KCNMA1: variants seen among roughly 807,000 people sequenced by gnomAD.
KCNMA1 encodes the protein potassium calcium-activated channel subfamily M alpha 1.
Under a neutral mutation model 140.0 loss-of-function variants are expected in KCNMA1, and 29 were observed. The observed-to-expected ratio is 0.21, with a 90% CI of 0.15 to 0.28. The LOEUF (loss-of-function observed/expected upper bound fraction) is 0.28, where lower values mean the gene tolerates loss of function less well. Ranked by LOEUF, KCNMA1 falls within the 10% of genes least tolerant of loss-of-function variation. The pLI, the probability that KCNMA1 is intolerant of heterozygous loss-of-function variation, is 1.00. For synonymous variants in KCNMA1, 612 were observed against 611.9 expected, an observed-to-expected ratio of 1.00 and a Z score of 0.00; for missense variants, 880 against 1,602.2, an observed-to-expected ratio of 0.55 and a Z score of 7.70.
At chr10:77,070,234 T>C (rs910325804) in intron 14 of KCNMA1, among the ~76,000 whole-genome samples, 2 of 152,232 alleles carry the variant, frequency 1.3e-5, no homozygotes, top group Admixed American at 1.3e-4. Context: ...CCCAGCACTT[T>C]GGGAGGCTGA....
chr10:77,565,993 C>T (rs377558369), intron 1 of KCNMA1, among the ~76,000 whole-genome samples: 10 of 145,466 alleles, frequency 6.9e-5, no homozygotes, highest in African/African-American at 1.2e-4. Flanking sequence ...TGTGCCTCCA[C>T]GGAATATTCT....
chr10:77,174,605 C>G (rs1253346874), intron 5 of KCNMA1, among the ~76,000 whole-genome samples: 1 of 152,144 alleles, frequency 6.6e-6, no homozygotes, highest in Non-Finnish European at 1.5e-5. Flanking sequence ...CTGGACAGCA[C>G]AGTGTATTAG....
At chr10:77,427,719 TCATTTATTTATTTATTTA>T (rs2097050257) in intron 1 of KCNMA1, among the ~76,000 whole-genome samples, 2 of 107,192 alleles carry the variant, frequency 1.9e-5, no homozygotes, top group African/African-American at 7.5e-5. Context: ...ATCCATCCAT[TCATTTATTTATTTATTTA>T]TTTATTTATT....
intron 3 of KCNMA1, among the ~76,000 whole-genome samples, chr10:77,215,895 C>G (rs1399690825): frequency 6.6e-6 from 1 of 151,160 alleles, no homozygotes; most frequent in African/African-American, 2.4e-5. Flanking sequence ...TCTCTCTCCT[C>G]TCTCCTCTCT....
At chr10:76,942,665 T>C (rs2062849091) in intron 23 of KCNMA1, among the ~76,000 whole-genome samples, 1 of 152,176 alleles carries the variant, frequency 6.6e-6, no homozygotes, top group East Asian at 1.9e-4. Context: ...AAGGAACAAC[T>C]ATATCAGATG....
chr10:77,255,961 A>T (rs1273544407), intron 2 of KCNMA1, among the ~76,000 whole-genome samples: 2 of 151,536 alleles, frequency 1.3e-5, no homozygotes, highest in African/African-American at 4.9e-5. Context: ...GCAAAGAAGG[A>T]GCCTGGTGCA....
chr10:77,079,688 C>G (rs2096513511), intron 12 of KCNMA1, 138 bp from the exon 13 acceptor site: 1 of 702,568 alleles, frequency 1.4e-6, no homozygotes, highest in Non-Finnish European at 2.6e-6. Flanking sequence ...AGGCAGGGCT[C>G]AGATACCAGA....
intron 21 of KCNMA1, among the ~76,000 whole-genome samples, chr10:76,952,975 G>T (rs183101888): frequency 6.6e-6 from 1 of 152,282 alleles, no homozygotes; most frequent in East Asian, 1.9e-4. Context: ...ATAAACTGTA[G>T]GAAAGCCAGT....
intron 1 of KCNMA1, among the ~76,000 whole-genome samples, chr10:77,514,187 C>T (rs918762854): frequency 6.6e-6 from 1 of 152,244 alleles, no homozygotes; most frequent in African/African-American, 2.4e-5. Context: ...GTCCCGAGGG[C>T]CTGGCAGTGC....
At chr10:77,238,090 G>A (rs2056163383) in intron 3 of KCNMA1, among the ~76,000 whole-genome samples, 1 of 152,140 alleles carries the variant, frequency 6.6e-6, no homozygotes, top group Admixed American at 6.5e-5. Flanking sequence ...AAATCTGAAG[G>A]AAGCTGGGAA....
At chr10:77,484,162 G>A (rs537500957) in intron 1 of KCNMA1, among the ~76,000 whole-genome samples, 2 of 152,358 alleles carry the variant, frequency 1.3e-5, no homozygotes, top group South Asian at 2.1e-4. Context: ...AAAGGACAAA[G>A]TAGAAGCAGC....
At chr10:77,486,816 G>C (rs532848406) in intron 1 of KCNMA1, among the ~76,000 whole-genome samples, 1 of 152,288 alleles carries the variant, frequency 6.6e-6, no homozygotes, top group Non-Finnish European at 1.5e-5. Context: ...TCCATTTCCA[G>C]CTCCTAGCCC....
intron 1 of KCNMA1, among the ~76,000 whole-genome samples, chr10:77,491,989 G>A (rs1193624278): frequency 6.6e-6 from 1 of 152,156 alleles, no homozygotes; most frequent in Non-Finnish European, 1.5e-5. Context: ...TCAAATGGAG[G>A]GAATGGGCGA....
intron 1 of KCNMA1, among the ~76,000 whole-genome samples, chr10:77,622,937 G>A (rs1367201783): frequency 6.6e-6 from 1 of 152,198 alleles, no homozygotes; most frequent in Non-Finnish European, 1.5e-5. Flanking sequence ...AGAGACCGGA[G>A]GTTCTTGCTT....
intron 1 of KCNMA1, among the ~76,000 whole-genome samples, chr10:77,489,976 AC>A (rs893606945): frequency 3.9e-5 from 6 of 151,968 alleles, no homozygotes; most frequent in African/African-American, 1.4e-4. Context: ...GAGTTTCTCA[AC>A]CCCGGCACTG....
intron 3 of KCNMA1, among the ~76,000 whole-genome samples, chr10:77,201,184 T>C (rs922182199): frequency 2.6e-5 from 4 of 152,120 alleles, no homozygotes; most frequent in African/African-American, 9.7e-5. Flanking sequence ...AGTGACCAAG[T>C]GTGTTTGATA....
chr10:76,968,705 C>A (rs2074921094), intron 20 of KCNMA1, among the ~76,000 whole-genome samples: 1 of 152,164 alleles, frequency 6.6e-6, no homozygotes, highest in Non-Finnish European at 1.5e-5. Flanking sequence ...TGCAAATCAG[C>A]CAAACCCAAG....
chr10:77,010,120 T>C (rs1348564524), intron 18 of KCNMA1, among the ~76,000 whole-genome samples: 1 of 152,188 alleles, frequency 6.6e-6, no homozygotes, highest in Non-Finnish European at 1.5e-5. Context: ...CTGGCAAATA[T>C]CCTGTCAGGG....
At chr10:76,999,778 G>A (rs549495904) in intron 19 of KCNMA1, among the ~76,000 whole-genome samples, 10 of 152,196 alleles carry the variant, frequency 6.6e-5, no homozygotes, top group Admixed American at 2.6e-4. Context: ...TTACTTTGAA[G>A]TGAATCCTGT....
Sources: gnomAD v4.1 joint callset for allele counts (sites outside exome capture counted in the v4.1 genomes callset) on GRCh38, gnomAD v4.1.1 for gene constraint, MANE v1.5 for transcripts, NCBI Gene and HGNC (gene_info 2026-07-23, HGNC 2026-07-21) for gene names.